Variants in ANGPTL2 observed in about 807,000 individuals in gnomAD.
ANGPTL2 encodes angiopoietin-related protein 2.
A neutral mutation model predicts 52.8 loss-of-function variants in ANGPTL2; 25 were observed. That is an observed-to-expected ratio of 0.47 (90% CI 0.35 to 0.66). The LOEUF is 0.66. Ranked by LOEUF, ANGPTL2 falls within the 30% of genes least tolerant of loss-of-function variation. ANGPTL2 has a pLI of 0.01. For synonymous variants in ANGPTL2, 276 were observed against 277.4 expected (o/e 1.00, Z 0.05); for missense variants, 546 against 656.9 (o/e 0.83, Z 1.84).
intron 2 of ANGPTL2, among the ~76,000 whole-genome samples, chr9:127,103,376 C>T (rs535625423): frequency 6.6e-6 from 1 of 152,292 alleles, no homozygotes; most frequent in East Asian, 1.9e-4. Flanking sequence ...AATGTGGGGA[C>T]CTCCTCATGT....
At position 127,108,129 on chromosome 9, in the gene ANGPTL2, C is replaced by T. The variant is rs1273521141; in HGVS notation, c.603G>A (p.Glu201=). Residue 201 remains glutamate (E), a synonymous_variant, in exon 2 of 5, where the codon GAG becomes GAA. Coordinates refer to ENST00000373425, the MANE Select transcript of ANGPTL2 (RefSeq NM_012098.3). ...HNQSEIIAQL[E]EHCQRVPSAR... ...CCGAGGGCACCCTCTGGCAGTGCTC[C>T]TCAAGCTGCGCGATGATCTCTGATT... is the stretch of plus-strand genomic sequence containing the variant. The T allele has an allele frequency of 1.2e-6, 2 of 1,613,940 alleles. No individual in the cohort carries two copies. Among genetic ancestry groups the T allele is most frequent in the Admixed American group, 3.3e-5 (2 of 60,016 alleles).
intron 2 of ANGPTL2, among the ~76,000 whole-genome samples, chr9:127,107,467 A>G (rs1043241591): frequency 5.3e-5 from 8 of 152,214 alleles, no homozygotes; most frequent in African/African-American, 1.7e-4. Context: ...TGTGTTTATC[A>G]TATTCTTAAC....
rs201706693 is a variant in ANGPTL2, at chr9:127,108,328, G to A, written c.404C>T (p.Thr135Met). 55 of 1,613,420 alleles carry A rather than the reference G, an allele frequency of 3.4e-5. No homozygotes were observed. The highest frequency in any genetic ancestry group is 1.6e-4 in the Middle Eastern group (1 of 6,078). Residue 135 changes from threonine to methionine, a missense_variant, in exon 2 of 5, where the codon ACG (threonine) becomes ATG (methionine). Thr to Met is a moderately conservative substitution (Grantham distance 81). Coordinates refer to ENST00000373425, the MANE Select transcript of ANGPTL2 (RefSeq NM_012098.3). ...GTGCAGGAGCTGCATGTAGAGCTGC[G>A]TGACCCGCGAGTTCATGTTGCGGCT... ...KESRNMNSRV[T>M]QLYMQLLHEI...
intron 2 of ANGPTL2, among the ~76,000 whole-genome samples, chr9:127,100,101 A>T (rs963881046): frequency 6.6e-6 from 1 of 152,226 alleles, no homozygotes; most frequent in Admixed American, 6.5e-5. Context: ...TTTGAAAACA[A>T]CTTGTAGGTT....
At position 127,108,395 on chromosome 9, in the gene ANGPTL2, C is replaced by G. The variant is rs764850682; in HGVS notation, c.337G>C (p.Asp113His). The G allele has an allele frequency of 1.9e-6, 3 of 1,609,060 alleles. No individual in the cohort carries two copies. The South Asian group carries it at 3.3e-5, about 18-fold the overall frequency. ...TTCACCTCGCTCACAATGCCGCCGTCCACCTCCACCAGCTGCTGCAGCGTC... is the reference window on the plus strand; with the variant it reads ...TTCACCTCGCTCACAATGCCGCCGTGCACCTCCACCAGCTGCTGCAGCGTC... ...IETLQQLVEV[D>H]GGIVSEVKLL... Residue 113 changes from aspartate (D) to histidine (H), a missense_variant, in exon 2 of 5, where the codon GAC (aspartate) becomes CAC (histidine). Physicochemically the swap from Asp to His is moderately conservative, Grantham distance 81. Coordinates refer to ENST00000373425, the MANE Select transcript of ANGPTL2 (RefSeq NM_012098.3).
At chr9:127,116,894 A>G (rs2055486593) in intron 1 of ANGPTL2, among the ~76,000 whole-genome samples, 1 of 152,200 alleles carries the variant, frequency 6.6e-6, no homozygotes, top group South Asian at 2.1e-4. Flanking sequence ...CAAGTGGTGG[A>G]GCTGGGCCCA....
At chr9:127,098,574 A>G (rs776531774) in intron 2 of ANGPTL2, among the ~76,000 whole-genome samples, 4 of 152,200 alleles carry the variant, frequency 2.6e-5, no homozygotes, top group Non-Finnish European at 5.9e-5. Flanking sequence ...GAGGGACATC[A>G]GCAAGTAGGG....
chr9:127,098,478 G>A (rs2053392176), intron 2 of ANGPTL2, among the ~76,000 whole-genome samples: 1 of 152,200 alleles, frequency 6.6e-6, no homozygotes, highest in South Asian at 2.1e-4. Flanking sequence ...ATGCAGCCCC[G>A]TGGCTGAGCC....
At chr9:127,101,267 G>A (rs539255670) in intron 2 of ANGPTL2, among the ~76,000 whole-genome samples, 3 of 152,346 alleles carry the variant, frequency 2.0e-5, no homozygotes, top group East Asian at 1.9e-4. Flanking sequence ...CTGCACCTGT[G>A]AGAAAGCCAG....
intron 1 of ANGPTL2, among the ~76,000 whole-genome samples, chr9:127,118,396 A>T (rs746219741): frequency 1.3e-4 from 20 of 152,130 alleles, no homozygotes; most frequent in Admixed American, 3.9e-4. Context: ...TGGCTGAATA[A>T]CTCTTCTATT....
In ANGPTL2 at chr9:127,108,761, T is replaced by C. The variant is rs1477596808; in HGVS notation, c.-30A>G. Reference sequence around the variant, plus strand: ...CTTGCAAAATGGTGGTTATTCTTTGTGAATAGAATCTATGAAAGCCTGAAA... The same window carrying C: ...CTTGCAAAATGGTGGTTATTCTTTGCGAATAGAATCTATGAAAGCCTGAAA... On this transcript the variant is annotated 5_prime_UTR_variant, in exon 2 of 5. Transcript: ENST00000373425. The C allele has an allele frequency of 6.4e-7, 1 of 1,573,118 alleles. No homozygotes were observed. Among genetic ancestry groups the C allele is most frequent in the Admixed American group, 1.7e-5 (1 of 58,102 alleles).
chr9:127,103,614 G>A (rs2053942438), intron 2 of ANGPTL2, among the ~76,000 whole-genome samples: 2 of 152,206 alleles, frequency 1.3e-5, no homozygotes, highest in South Asian at 2.1e-4. Flanking sequence ...CTACTGGGGA[G>A]CTTGGCTGGT....
intron 1 of ANGPTL2, among the ~76,000 whole-genome samples, chr9:127,120,532 T>C (rs1283998666): frequency 6.6e-6 from 1 of 152,178 alleles, no homozygotes; most frequent in African/African-American, 2.4e-5. Flanking sequence ...GGGAAAGAAT[T>C]TGGGTCTCTG....
intron 4 of ANGPTL2, among the ~76,000 whole-genome samples, chr9:127,089,558 GA>G (rs992199085): frequency 1.3e-5 from 2 of 152,190 alleles, no homozygotes; most frequent in Non-Finnish European, 2.9e-5. Context: ...CGGGGAGGGA[GA>G]AAAGCTTTTT....
At chr9:127,095,405 A>AT (rs1323369674) in intron 2 of ANGPTL2, among the ~76,000 whole-genome samples, 22 of 152,312 alleles carry the variant, frequency 1.4e-4, no homozygotes, top group Non-Finnish European at 2.5e-4. Flanking sequence ...TCCGTCTCAA[A>AT]AAAATAAATA....
intron 2 of ANGPTL2, among the ~76,000 whole-genome samples, chr9:127,102,421 C>T (rs746626794): frequency 1.3e-5 from 2 of 152,064 alleles, no homozygotes; most frequent in Non-Finnish European, 2.9e-5. Flanking sequence ...ATTTGTATGA[C>T]CAGTTAGCTG....
chr9:127,110,445 T>G (rs10819267), intron 1 of ANGPTL2, among the ~76,000 whole-genome samples: 26,729 of 152,122 alleles, frequency 0.18, 3,138 homozygotes, highest in East Asian at 0.45. Context: ...CAAAACTCAG[T>G]CCTCAGAATT....
intron 3 of ANGPTL2, among the ~76,000 whole-genome samples, chr9:127,093,035 C>T (rs1277242853): frequency 2.0e-5 from 3 of 152,134 alleles, no homozygotes; most frequent in African/African-American, 7.2e-5. Flanking sequence ...ATAACAGAAC[C>T]TCCCTCAGGA....
At position 127,091,718 on chromosome 9, in the gene ANGPTL2, T is replaced by C. The variant is rs1332028299; in HGVS notation, c.1234A>G (p.Asn412Asp). The C allele has an allele frequency of 6.2e-7, 1 of 1,614,096 alleles. No individual in the cohort carries two copies. The change falls in exon 4 of 5, where the codon AAC becomes GAC. Residue 412 changes from asparagine to aspartate, a missense_variant. Asn to Asp is a conservative substitution (Grantham distance 23). Transcript: ENST00000373425. The surrounding 1 kb of genome is among the most constrained non-coding windows in gnomAD (Gnocchi z 4.3). Reference sequence around the variant, plus strand: ...TCCAGGGTGGTGAACTGCTTGCCGTTGTGCCATGTAAAGGAGTCACCCGCA... The same window carrying C: ...TCCAGGGTGGTGAACTGCTTGCCGTCGTGCCATGTAAAGGAGTCACCCGCA... Reference protein sequence around the residue: ...GNAGDSFTWHNGKQFTTLDRD... With the variant: ...GNAGDSFTWHDGKQFTTLDRD...
Sources: allele counts gnomAD v4.1 joint callset (sites outside exome capture counted in the v4.1 genomes callset), GRCh38; gene constraint gnomAD v4.1.1; non-coding constraint Gnocchi (gnomAD v3.1); transcripts MANE v1.5; gene names NCBI Gene and HGNC (gene_info 2026-07-23, HGNC 2026-07-21).